The following WNT7B variants were observed in gnomAD, a reference collection of about 807,000 sequenced individuals.
WNT7B encodes protein Wnt-7b.
WNT7B carries 19 observed loss-of-function variants against 38.2 expected under a neutral mutation model. The ratio of observed to expected loss-of-function variants is 0.50; its 90% CI spans 0.35 to 0.73. WNT7B has a LOEUF of 0.73. Ranked by LOEUF, WNT7B falls within the 30% of genes least tolerant of loss-of-function variation. The pLI is 0.01. For synonymous variants in WNT7B, 243 were observed against 209.3 expected (o/e 1.16, Z -1.39); for missense variants, 423 against 507.9 (o/e 0.83, Z 1.61).
In WNT7B at chr22:45,959,582, G is replaced by A. The variant is rs149929375; in HGVS notation, c.72-9436C>T. Reference sequence around the variant, plus strand: ...CCAGGCACCTCCACCTCAGTATCCCGTTTCTCCTCCAAATTCCCAAAAACC... The same window carrying A: ...CCAGGCACCTCCACCTCAGTATCCCATTTCTCCTCCAAATTCCCAAAAACC... On this transcript the variant is annotated intron_variant, in intron 1 of 3. Transcript: ENST00000339464. 8.7e-4 allele frequency among the ~76,000 whole-genome samples: 133 copies of A among 152,162 alleles called. 3 individuals are homozygous for A. The East Asian group carries it at 0.022, about 25-fold the overall frequency.
chr22:45,945,184 A>C (rs1931765472), intron 2 of WNT7B, among the ~76,000 whole-genome samples: 1 of 152,238 alleles, frequency 6.6e-6, no homozygotes, highest in Middle Eastern at 3.4e-3. Context: ...CCCGGGTTCA[A>C]GTGATTCTCC....
chr22:45,927,000 TGG>T (rs1931105435), intron 3 of WNT7B: 1 of 985,436 alleles, frequency 1.0e-6, no homozygotes, highest in Non-Finnish European at 1.2e-6. Context: ...CTCCAGGAGC[TGG>T]TGGAACTCCA....
intron 3 of WNT7B, chr22:45,927,111 C>T (rs1478726775): frequency 1.2e-5 from 12 of 984,498 alleles, no homozygotes; most frequent in Non-Finnish European, 1.4e-5. Context: ...CTTGCCTTCA[C>T]TGGGTTGGTC....
chr22:45,953,840 G>C (rs1433135993), intron 1 of WNT7B, among the ~76,000 whole-genome samples: 2 of 152,180 alleles, frequency 1.3e-5, no homozygotes, highest in Admixed American at 1.3e-4. Context: ...TATAGCCACT[G>C]TAGACAATGG....
At chr22:45,959,505 TCGG>T (rs1380229967) in intron 1 of WNT7B, among the ~76,000 whole-genome samples, 1 of 152,050 alleles carries the variant, frequency 6.6e-6, no homozygotes, top group Non-Finnish European at 1.5e-5. Flanking sequence ...CTGGGAGAAG[TCGG>T]CTGTGCTATG....
Position 45,936,941 on chromosome 22 carries a change from C to T in WNT7B, c.299-5572G>A, listed in dbSNP as rs76395728. On this transcript the variant is annotated intron_variant, in intron 2 of 3. Transcript: ENST00000339464. ...CGCAGCTGCCACTCCTCACCATCCA[C>T]TCAAGCTCCCTGCCACTTCCTAGCG... Among the ~76,000 whole-genome samples the T allele has an allele frequency of 7.8e-3, 1,192 of 152,378 alleles. 8 individuals are homozygous for T. The highest frequency in any genetic ancestry group is 0.028 in the African/African-American group (1,153 of 41,592).
chr22:45,930,980 C>G (rs1290955552), intron 3 of WNT7B, 118 bp downstream of exon 3: 11 of 1,386,090 alleles, frequency 7.9e-6, no homozygotes, highest in Non-Finnish European at 1.0e-5. Flanking sequence ...GCCCCACCCC[C>G]TGCACACCTA....
chr22:45,943,955 C>G (rs952412692), intron 2 of WNT7B, among the ~76,000 whole-genome samples: 2 of 152,164 alleles, frequency 1.3e-5, no homozygotes, highest in African/African-American at 4.8e-5. Flanking sequence ...GAGCCTTTGC[C>G]CACGGAACCC....
intron 2 of WNT7B, among the ~76,000 whole-genome samples, chr22:45,936,429 A>G (rs1229759003): frequency 1.3e-5 from 2 of 152,218 alleles, no homozygotes; most frequent in African/African-American, 4.8e-5. Context: ...TGGGCTGGAA[A>G]CAGCCTCTTC....
rs532140314 is a variant in WNT7B, at chr22:45,975,591, G to T, written c.71+1093C>A. 11 of 716,596 alleles carry T rather than the reference G, an allele frequency of 1.5e-5. No individual in the cohort carries two copies. The African/African-American group carries it at 1.6e-4, about 10-fold the overall frequency. 44.4% of individuals were successfully genotyped at this position (716,596 alleles called of 1,614,324 possible). On this transcript the variant is annotated intron_variant, in intron 1 of 3. Transcript: ENST00000339464. This position sits in a 1 kb window ranked among gnomAD's most constrained non-coding sequence, Gnocchi z 6.6. ...ATGGGATGGAGGGTGATGGAGAGAC[G>T]ATTCCCAGCGCCTGCTTCCACCTCT...
At chr22:45,968,821 C>T (rs1932367438) in intron 1 of WNT7B, among the ~76,000 whole-genome samples, 1 of 152,222 alleles carries the variant, frequency 6.6e-6, no homozygotes. Flanking sequence ...GAACGTTCTA[C>T]ACTTTCAAGT....
chr22:45,926,537 A>T, intron 3 of WNT7B: 1 of 985,380 alleles, frequency 1.0e-6, no homozygotes, highest in South Asian at 4.7e-5. Flanking sequence ...AAGTCCTTCC[A>T]GGGCGAGACT....
At position 45,965,851 on chromosome 22, in the gene WNT7B, G is replaced by T. The variant is rs964849333; in HGVS notation, c.71+10833C>A. ...CAGTTCTAAGCAACTGGAGGCATTG[G>T]TTTCTGCCTGGAGAGGACAGGCAGG... On this transcript the variant is annotated intron_variant, in intron 1 of 3. Transcript: ENST00000339464. This position sits in a 1 kb window ranked among gnomAD's most constrained non-coding sequence, Gnocchi z 6.5. Among the ~76,000 whole-genome samples the T allele has an allele frequency of 6.6e-6, 1 of 152,188 alleles. No homozygotes were observed. The highest frequency in any genetic ancestry group is 1.9e-4 in the East Asian group (1 of 5,198).
intron 2 of WNT7B, among the ~76,000 whole-genome samples, chr22:45,943,126 G>A (rs1324246190): frequency 6.6e-6 from 1 of 152,118 alleles, no homozygotes; most frequent in Non-Finnish European, 1.5e-5. Context: ...TGTGCCAGGT[G>A]TACTGCTGTA....
intron 1 of WNT7B, among the ~76,000 whole-genome samples, chr22:45,956,934 C>T (rs1932077729): frequency 1.3e-5 from 2 of 151,990 alleles, no homozygotes; most frequent in African/African-American, 4.8e-5. Flanking sequence ...GGTGAAGCCC[C>T]ATCTCTACTA....
intron 3 of WNT7B, chr22:45,925,272 G>A (rs533818119): frequency 5.3e-5 from 52 of 985,242 alleles, no homozygotes; most frequent in Non-Finnish European, 5.9e-5. Flanking sequence ...GGTGGGTGCC[G>A]GGTGGGCCCT....
In WNT7B at chr22:45,927,011, C is replaced by T. The variant is rs552004104; in HGVS notation, c.571-3676G>A. Reference sequence around the variant, plus strand: ...CTGGCTCCAGGAGCTGGTGGAACTCCACAGCGATAGCTTCTAACCTCATGT... The same window carrying T: ...CTGGCTCCAGGAGCTGGTGGAACTCTACAGCGATAGCTTCTAACCTCATGT... On this transcript the variant is annotated intron_variant, in intron 3 of 3. Coordinates refer to ENST00000339464, the MANE Select transcript of WNT7B (RefSeq NM_058238.3). 200 of 985,440 alleles carry T rather than the reference C, an allele frequency of 2.0e-4. 1 individual carries two copies. The African/African-American group carries it at 3.3e-3, about 16-fold the overall frequency. The allele number at this position is 985,440 out of a possible 1,614,324, so 61.0% of individuals were successfully genotyped here.
Position 45,937,176 on chromosome 22 carries a change from C to A in WNT7B, c.299-5807G>T, listed in dbSNP as rs527466968. Among the ~76,000 whole-genome samples, 11 of 152,328 alleles carry A rather than the reference C, an allele frequency of 7.2e-5. No homozygotes were observed. In the South Asian group the frequency reaches 2.3e-3, roughly 32 times the overall value. On this transcript the variant is annotated intron_variant, in intron 2 of 3. Coordinates refer to ENST00000339464, the MANE Select transcript of WNT7B (RefSeq NM_058238.3). Reference sequence around the variant, plus strand: ...AAGGAGCCTGAGGCCCAGAGGTGGGCAGCATGCTCCCCAAGGTCACACAGC... The same window carrying A: ...AAGGAGCCTGAGGCCCAGAGGTGGGAAGCATGCTCCCCAAGGTCACACAGC...
chr22:45,920,701 GGATGGGATGGGGGATGGGAT>G lies in WNT7B; in HGVS notation c.*2135_*2154del, dbSNP rs1264865499. On this transcript the variant is annotated 3_prime_UTR_variant, in exon 4 of 4. Transcript: ENST00000339464. ...GGGATGGGATGGGGGATGGGGTCAG[GGATGGGATGGGGGATGGGAT>G]GAGGGATGAGATGAGGGATGGGATG... is the stretch of plus-strand genomic sequence containing the variant. The G allele has an allele frequency of 7.4e-6, 1 of 134,808 alleles. No homozygotes were observed. The highest frequency in any genetic ancestry group is 1.6e-5 in the Non-Finnish European group (1 of 61,946). The allele number at this position is 134,808 out of a possible 1,614,324, so 8.4% of individuals were successfully genotyped here. A position where few individuals can be genotyped will look rare whatever the true frequency, so the allele number is the denominator to read the frequency against.
Sources: gnomAD v4.1 joint callset for allele counts (sites outside exome capture counted in the v4.1 genomes callset) on GRCh38, gnomAD v4.1.1 for gene constraint, Gnocchi (gnomAD v3.1) non-coding constraint, MANE v1.5 for transcripts, NCBI Gene and HGNC (gene_info 2026-07-23, HGNC 2026-07-21) for gene names.